The following GPR39 variants were observed in gnomAD, a reference collection of about 807,000 sequenced individuals.
GPR39 encodes G protein-coupled receptor 39, also known as zinc sensing receptor.
Under a neutral mutation model 18.4 loss-of-function variants are expected in GPR39, and 23 were observed. The ratio of observed to expected loss-of-function variants is 1.25; its 90% CI spans 0.90 to 1.77. The LOEUF (loss-of-function observed/expected upper bound fraction) is 1.77. GPR39 is among the 40% of genes most tolerant of loss of function. The pLI, the probability that GPR39 is intolerant of heterozygous loss-of-function variation, is 0.00. For synonymous variants in GPR39, 280 were observed against 257.9 expected, an observed-to-expected ratio of 1.09 and a Z score of -0.82; for missense variants, 647 against 602.4, an observed-to-expected ratio of 1.07 and a Z score of -0.78.
At chr2:132,459,324 C>G (rs1680791166) in intron 1 of GPR39, among the ~76,000 whole-genome samples, 2 of 152,184 alleles carry the variant, frequency 1.3e-5, no homozygotes, top group Admixed American at 6.5e-5. Flanking sequence ...AAATCTCTTT[C>G]TTCATTAATA....
chr2:132,640,958 C>T (rs1325710429), intron 1 of GPR39, among the ~76,000 whole-genome samples: 2 of 152,274 alleles, frequency 1.3e-5, no homozygotes, highest in Admixed American at 1.3e-4. Flanking sequence ...CCTCCATTAC[C>T]GTGCTCACTG....
chr2:132,514,661 C>T (rs967894109), intron 1 of GPR39, among the ~76,000 whole-genome samples: 1 of 152,080 alleles, frequency 6.6e-6, no homozygotes, highest in Non-Finnish European at 1.5e-5. Flanking sequence ...GCCTAGCAGG[C>T]ACAGGTGGAA....
At chr2:132,492,169 C>A (rs193300081) in intron 1 of GPR39, among the ~76,000 whole-genome samples, 2 of 144,336 alleles carry the variant, frequency 1.4e-5, no homozygotes, top group East Asian at 4.1e-4. Context: ...TATATACACA[C>A]CATATATACA....
At chr2:132,489,369 C>T (rs796927103) in intron 1 of GPR39, among the ~76,000 whole-genome samples, 16 of 152,210 alleles carry the variant, frequency 1.1e-4, no homozygotes, top group African/African-American at 3.9e-4. Flanking sequence ...GGGCCGCTGG[C>T]GGCTCCTGGG....
At chr2:132,532,585 A>G (rs147610826) in intron 1 of GPR39, among the ~76,000 whole-genome samples, 1,939 of 152,304 alleles carry the variant, frequency 0.013, 48 homozygotes, top group African/African-American at 0.045. Flanking sequence ...ACATTGATGC[A>G]AACATCCTCA....
At chr2:132,430,027 G>A (rs1204487102) in intron 1 of GPR39, among the ~76,000 whole-genome samples, 2 of 152,258 alleles carry the variant, frequency 1.3e-5, no homozygotes, top group Non-Finnish European at 2.9e-5. Flanking sequence ...GAAAGCTTTT[G>A]AGAAGAGGAG....
At chr2:132,460,864 G>A (rs1680818764) in intron 1 of GPR39, among the ~76,000 whole-genome samples, 1 of 152,200 alleles carries the variant, frequency 6.6e-6, no homozygotes, top group Admixed American at 6.5e-5. Context: ...CTGGGCAGGG[G>A]CTTGCTCGGG....
intron 1 of GPR39, among the ~76,000 whole-genome samples, chr2:132,633,342 G>C (rs1337066439): frequency 2.1e-5 from 1 of 48,570 alleles, no homozygotes; most frequent in African/African-American, 6.5e-5. Flanking sequence ...ATACCTCTGT[G>C]TGTGTGTGTG....
At chr2:132,499,299 C>A (rs1681708676) in intron 1 of GPR39, among the ~76,000 whole-genome samples, 1 of 152,158 alleles carries the variant, frequency 6.6e-6, no homozygotes, top group Non-Finnish European at 1.5e-5. Context: ...ATCCCAGCAC[C>A]ATTTGTTGAA....
chr2:132,436,294 A>G (rs1333417496), intron 1 of GPR39, among the ~76,000 whole-genome samples: 1 of 152,226 alleles, frequency 6.6e-6, no homozygotes, highest in Admixed American at 6.5e-5. Context: ...GAATTTTTGG[A>G]AGAGTGTCAT....
chr2:132,530,392 A>G (rs1679593283), intron 1 of GPR39, among the ~76,000 whole-genome samples: 1 of 152,246 alleles, frequency 6.6e-6, no homozygotes, highest in Non-Finnish European at 1.5e-5. Flanking sequence ...GTGTACCTGA[A>G]AGTGATGGGG....
chr2:132,627,510 T>C (rs1428016897), intron 1 of GPR39, among the ~76,000 whole-genome samples: 4 of 152,208 alleles, frequency 2.6e-5, no homozygotes, highest in African/African-American at 9.7e-5. Context: ...ATGTACAGTC[T>C]CATTTTAGAT....
chr2:132,484,356 A>G (rs1681291487), intron 1 of GPR39, among the ~76,000 whole-genome samples: 1 of 152,244 alleles, frequency 6.6e-6, no homozygotes, highest in Admixed American at 6.5e-5. Flanking sequence ...AATGCTGACT[A>G]AATCATTTAA....
intron 1 of GPR39, among the ~76,000 whole-genome samples, chr2:132,615,809 C>T (rs1463616437): frequency 6.6e-6 from 1 of 152,126 alleles, no homozygotes; most frequent in Non-Finnish European, 1.5e-5. Context: ...AGCTAGGTAC[C>T]TGGGATGCAA....
intron 1 of GPR39, among the ~76,000 whole-genome samples, chr2:132,475,128 A>C (rs1212959625): frequency 6.6e-6 from 1 of 152,058 alleles, no homozygotes; most frequent in Non-Finnish European, 1.5e-5. Context: ...GGTTCCAGGT[A>C]TCCTTATCAG....
At chr2:132,417,924 G>T (rs767751118) in intron 1 of GPR39, 26 bp downstream of exon 1, 6 of 1,545,988 alleles carry the variant, frequency 3.9e-6, no homozygotes, top group Non-Finnish European at 5.2e-6. Context: ...GGGGCAACAC[G>T]TGAGCAGCTT....
intron 1 of GPR39, among the ~76,000 whole-genome samples, chr2:132,510,445 T>G (rs1407851313): frequency 6.6e-6 from 1 of 152,050 alleles, no homozygotes; most frequent in Non-Finnish European, 1.5e-5. Flanking sequence ...AGTTTTATAC[T>G]TTGGGGCTCT....
intron 1 of GPR39, among the ~76,000 whole-genome samples, chr2:132,461,029 A>G (rs2104777008): frequency 6.6e-6 from 1 of 152,270 alleles, no homozygotes; most frequent in African/African-American, 2.4e-5. Flanking sequence ...GGAGATAGGG[A>G]ACTGGGATGT....
intron 1 of GPR39, among the ~76,000 whole-genome samples, chr2:132,630,453 AAAG>A (rs1681629303): frequency 6.6e-6 from 1 of 152,202 alleles, no homozygotes. Context: ...TACAGCAAGG[AAAG>A]AAGGAAGTTC....
Sources: allele counts gnomAD v4.1 joint callset (sites outside exome capture counted in the v4.1 genomes callset), GRCh38; gene constraint gnomAD v4.1.1; transcripts MANE v1.5; gene names NCBI Gene and HGNC (gene_info 2026-07-23, HGNC 2026-07-21).